The following GARIN5A variants were observed in gnomAD, a reference collection of about 807,000 sequenced individuals.
GARIN5A encodes Golgi-associated RAB2 interactor protein 5A.
chr19:50,473,205 T>C, the GARIN5A span, among the ~76,000 whole-genome samples: 45 of 152,322 alleles, frequency 3.0e-4, no homozygotes, highest in African/African-American at 1.1e-3. Flanking sequence ...AAGCAATCTT[T>C]TGGATTTCAG....
At chr19:50,468,437 A>C in the GARIN5A span, among the ~76,000 whole-genome samples, 1 of 150,122 alleles carries the variant, frequency 6.7e-6, no homozygotes, top group Non-Finnish European at 1.5e-5. Flanking sequence ...CATGTTCAAC[A>C]GCCCACTTCT....
At chr19:50,469,985 G>A in the GARIN5A span, among the ~76,000 whole-genome samples, 8 of 152,066 alleles carry the variant, frequency 5.3e-5, no homozygotes, top group African/African-American at 9.7e-5. Flanking sequence ...TTTTTCCCCC[G>A]ACAACCTTAT....
At chr19:50,469,193 T>A in the GARIN5A span, among the ~76,000 whole-genome samples, 1 of 152,194 alleles carries the variant, frequency 6.6e-6, no homozygotes, top group African/African-American at 2.4e-5. Flanking sequence ...GCCTCCCTGC[T>A]GTTCCATGAA....
At chr19:50,472,013 C>CGTGTGTATATGTATACGTACGT in the GARIN5A span, among the ~76,000 whole-genome samples, 1 of 128,668 alleles carries the variant, frequency 7.8e-6, no homozygotes, top group Non-Finnish European at 1.6e-5. Context: ...TGTATATATA[C>CGTGTGTATATGTATACGTACGT]GTGTGTATAT....
chr19:50,474,701 G>C, the GARIN5A span, among the ~76,000 whole-genome samples: 24 of 151,794 alleles, frequency 1.6e-4, no homozygotes, highest in Non-Finnish European at 3.2e-4. Context: ...TGGCCAGACC[G>C]GTCTCAAATT....
chr19:50,470,846 G>T, the GARIN5A span, among the ~76,000 whole-genome samples: 8 of 151,794 alleles, frequency 5.3e-5, no homozygotes, highest in Non-Finnish European at 1.0e-4. Context: ...AGTAGAGAGG[G>T]GGTTTCACTA....
chr19:50,471,061 C>T, the GARIN5A span, among the ~76,000 whole-genome samples: 1 of 151,618 alleles, frequency 6.6e-6, no homozygotes, highest in East Asian at 1.9e-4. Flanking sequence ...ACCTGCTGGG[C>T]TCAAGCAATC....
the GARIN5A span, chr19:50,467,892 G>A: frequency 3.5e-5 from 53 of 1,521,424 alleles, no homozygotes; most frequent in Non-Finnish European, 4.6e-5. Flanking sequence ...CACCGTCGGG[G>A]TCAGGGGTCC....
the GARIN5A span, among the ~76,000 whole-genome samples, chr19:50,472,658 G>A: frequency 1.3e-5 from 2 of 152,150 alleles, no homozygotes; most frequent in Non-Finnish European, 2.9e-5. Context: ...ACTTTGGGAG[G>A]TTGAGGGAGG....
At chr19:50,475,477 C>G in the GARIN5A span, 6 of 1,591,754 alleles carry the variant, frequency 3.8e-6, no homozygotes, top group African/African-American at 8.0e-5. Flanking sequence ...GGTCAGAGGT[C>G]GGGGCAGGAT....
the GARIN5A span, among the ~76,000 whole-genome samples, chr19:50,468,131 CA>C: frequency 2.6e-5 from 4 of 152,146 alleles, no homozygotes; most frequent in Admixed American, 1.3e-4. Context: ...GAGGCTGAGG[CA>C]GGAGGATCAC....
the GARIN5A span, chr19:50,475,346 T>C: frequency 6.2e-7 from 1 of 1,600,482 alleles, no homozygotes; most frequent in East Asian, 2.2e-5. Context: ...CAGGTGTCCG[T>C]TCTCCTTGGC....
chr19:50,476,587 T>C, the GARIN5A span: 1 of 1,575,570 alleles, frequency 6.3e-7, no homozygotes, highest in South Asian at 1.1e-5. Context: ...GCTCCTGCTC[T>C]TGCTGATGGC....
the GARIN5A span, chr19:50,475,885 C>A: frequency 1.9e-6 from 3 of 1,614,008 alleles, no homozygotes; most frequent in South Asian, 3.3e-5. Context: ...GTCGAATTCG[C>A]CGCTCTGGAG....
chr19:50,471,816 C>T, the GARIN5A span, among the ~76,000 whole-genome samples: 2 of 142,600 alleles, frequency 1.4e-5, no homozygotes, highest in South Asian at 4.4e-4. Flanking sequence ...GCATACATAC[C>T]TGTGTGTATA....
the GARIN5A span, among the ~76,000 whole-genome samples, chr19:50,472,017 T>C: frequency 6.9e-6 from 1 of 145,256 alleles, no homozygotes; most frequent in Non-Finnish European, 1.5e-5. Context: ...TATATACGTG[T>C]GTATATGTAT....
chr19:50,471,674 ATACATGCACGTGTGTGTATACGC>A, the GARIN5A span, among the ~76,000 whole-genome samples: 1 of 151,300 alleles, frequency 6.6e-6, no homozygotes, highest in African/African-American at 2.4e-5. Context: ...GTGTATACGC[ATACATGCACGTGTGTGTATACGC>A]ATACATGCAC....
chr19:50,468,101 C>T, the GARIN5A span, among the ~76,000 whole-genome samples: 1 of 152,204 alleles, frequency 6.6e-6, no homozygotes, highest in Non-Finnish European at 1.5e-5. Context: ...TGGCTCACGC[C>T]TGTGATCCCA....
At chr19:50,476,422 G>A in the GARIN5A span, 1 of 1,547,446 alleles carries the variant, frequency 6.5e-7, no homozygotes, top group Admixed American at 1.9e-5. Context: ...GCGGACGGGT[G>A]CCAGTGCGCA....
Sources: allele counts gnomAD v4.1 joint callset (sites outside exome capture counted in the v4.1 genomes callset), GRCh38; gene constraint gnomAD v4.1.1; transcripts MANE v1.5; gene names NCBI Gene and HGNC (gene_info 2026-07-23, HGNC 2026-07-21).